BEAN1: variants seen among roughly 807,000 people sequenced by gnomAD.
The protein encoded by BEAN1 is protein BEAN1.
Under a neutral mutation model 17.7 loss-of-function variants are expected in BEAN1, and 17 were observed. The observed-to-expected ratio is 0.96, with a 90% CI of 0.66 to 1.44. The LOEUF (loss-of-function observed/expected upper bound fraction) is 1.44. Among genes scored for constraint, BEAN1 ranks in the 40% most tolerant of loss-of-function variants. BEAN1 has a pLI of 0.00. For synonymous variants in BEAN1, 142 were observed against 151.8 expected (o/e 0.94, Z 0.47); for missense variants, 359 against 374.1 (o/e 0.96, Z 0.33).
intron 2 of BEAN1, among the ~76,000 whole-genome samples, chr16:66,444,111 T>A (rs1410828953): frequency 6.6e-6 from 1 of 152,212 alleles, no homozygotes; most frequent in Non-Finnish European, 1.5e-5. Flanking sequence ...GCAAAGTGCT[T>A]GCATTTCACT....
At chr16:66,440,670 G>A (rs1034086218) in intron 2 of BEAN1, among the ~76,000 whole-genome samples, 7 of 152,270 alleles carry the variant, frequency 4.6e-5, no homozygotes, top group South Asian at 2.1e-4. Flanking sequence ...CAGCCTCACC[G>A]CTTTCAGCGG....
At chr16:66,478,898 T>A (rs1050211258) in intron 4 of BEAN1, 4 of 152,452 alleles carry the variant, frequency 2.6e-5, no homozygotes, top group African/African-American at 9.7e-5. Flanking sequence ...AGGGCACAGA[T>A]GAGCAAAGGC....
chr16:66,484,277 A>G (rs2142479307), downstream of BEAN1: 2 of 293,144 alleles, frequency 6.8e-6, no homozygotes, highest in South Asian at 6.3e-5. This position sits in a 1 kb window ranked among gnomAD's most constrained non-coding sequence, Gnocchi z 4.2. Context: ...GAATGCAGAA[A>G]CTTCCACAGT....
chr16:66,477,320 C>A (rs1422104980), intron 3 of BEAN1, among the ~76,000 whole-genome samples: 1 of 152,196 alleles, frequency 6.6e-6, no homozygotes, highest in African/African-American at 2.4e-5. Flanking sequence ...CTGCCACCAC[C>A]TTGGGAGCTG....
downstream of BEAN1, chr16:66,485,196 C>G: frequency 2.3e-6 from 1 of 427,628 alleles, no homozygotes; most frequent in Non-Finnish European, 4.8e-6. Context: ...CACACTGGGG[C>G]CCCTCCCAAG....
intron 2 of BEAN1, among the ~76,000 whole-genome samples, chr16:66,455,972 C>A (rs897223490): frequency 6.6e-6 from 1 of 152,220 alleles, no homozygotes; most frequent in African/African-American, 2.4e-5. Flanking sequence ...CAGGTGTGAG[C>A]CACTGCTCCT....
intron 2 of BEAN1, among the ~76,000 whole-genome samples, chr16:66,453,749 AG>A (rs1214506392): frequency 6.7e-6 from 1 of 150,174 alleles, no homozygotes. Flanking sequence ...TTTTTGGGTC[AG>A]GGGGACAGAG....
At chr16:66,489,244 C>A (rs1964131988) in intron 4 of BEAN1, among the ~76,000 whole-genome samples, 1 of 152,120 alleles carries the variant, frequency 6.6e-6, no homozygotes, top group South Asian at 2.1e-4. Context: ...CGTAGAAATT[C>A]ACTGCAGCAT....
intron 2 of BEAN1, among the ~76,000 whole-genome samples, chr16:66,441,094 G>A (rs769700505): frequency 6.6e-6 from 1 of 152,220 alleles, no homozygotes; most frequent in Non-Finnish European, 1.5e-5. Context: ...CCAGTGGACG[G>A]TGAACATCCA....
At chr16:66,438,140 T>A (rs1962104006) in intron 2 of BEAN1, 1 of 204,980 alleles carries the variant, frequency 4.9e-6, no homozygotes, top group African/African-American at 2.3e-5. Flanking sequence ...TCCCAGCCCT[T>A]TGGGAAGCCG....
chr16:66,436,580 T>A (rs535498613), intron 1 of BEAN1, among the ~76,000 whole-genome samples: 3 of 137,522 alleles, frequency 2.2e-5, no homozygotes, highest in African/African-American at 8.0e-5. Context: ...ATCCAGCCCC[T>A]TTTTTTTTTT....
chr16:66,493,267 G>A (rs1567515513), exon 5 of BEAN1: 3 of 702,890 alleles, frequency 4.3e-6, no homozygotes, highest in East Asian at 5.4e-5. Context: ...GCCTCGAGGG[G>A]GTTCAGCCAG....
intron 2 of BEAN1, among the ~76,000 whole-genome samples, chr16:66,450,180 T>C (rs1488874489): frequency 6.6e-6 from 1 of 152,138 alleles, no homozygotes; most frequent in Non-Finnish European, 1.5e-5. Flanking sequence ...TATTTTTCAC[T>C]GTGCAAGAAT....
At chr16:66,488,607 G>A (rs1169692383) in intron 4 of BEAN1, among the ~76,000 whole-genome samples, 1 of 151,982 alleles carries the variant, frequency 6.6e-6, no homozygotes, top group Non-Finnish European at 1.5e-5. Flanking sequence ...GGTGGGACAG[G>A]AGGATTGTTT....
downstream of BEAN1, among the ~76,000 whole-genome samples, chr16:66,486,169 C>T (rs1224253953): frequency 6.6e-6 from 1 of 152,226 alleles, no homozygotes; most frequent in Non-Finnish European, 1.5e-5. Context: ...CTGGCCCAGA[C>T]ATGTCCTCAT....
At chr16:66,478,427 C>T (rs1275455313) in intron 4 of BEAN1, among the ~76,000 whole-genome samples, 1 of 151,798 alleles carries the variant, frequency 6.6e-6, no homozygotes, top group African/African-American at 2.4e-5. Flanking sequence ...ACGGTGAAAC[C>T]CCATCTCTAC....
intron 4 of BEAN1, among the ~76,000 whole-genome samples, chr16:66,488,334 C>T (rs1356953186): frequency 4.0e-5 from 6 of 151,798 alleles, no homozygotes; most frequent in Non-Finnish European, 5.9e-5. Context: ...TGCCTGGGGT[C>T]GAAGAATGAG....
chr16:66,437,903 G>C (rs1482338831), intron 2 of BEAN1: 1 of 706,968 alleles, frequency 1.4e-6, no homozygotes, highest in Non-Finnish European at 2.5e-6. Flanking sequence ...ACTGAAAATC[G>C]CACTTTGGCC....
At chr16:66,484,572 G>C, downstream of BEAN1, 1 of 454,066 alleles carries the variant, frequency 2.2e-6, no homozygotes, top group Admixed American at 2.3e-5. The surrounding 1 kb of genome is among the most constrained non-coding windows in gnomAD (Gnocchi z 4.2). Flanking sequence ...GGAAGGTGAA[G>C]CTGCATCACA....
Sources: allele counts gnomAD v4.1 joint callset (sites outside exome capture counted in the v4.1 genomes callset), GRCh38; gene constraint gnomAD v4.1.1; non-coding constraint Gnocchi (gnomAD v3.1); transcripts MANE v1.5; gene names NCBI Gene and HGNC (gene_info 2026-07-23, HGNC 2026-07-21).